TNRC6B: variants seen among roughly 807,000 people sequenced by gnomAD.
TNRC6B encodes trinucleotide repeat containing adaptor 6B.
In TNRC6B, 52 loss-of-function variants were observed where a neutral mutation model predicts 203.6. The observed-to-expected ratio is 0.26, with a 90% CI of 0.20 to 0.32. The LOEUF (loss-of-function observed/expected upper bound fraction) is 0.32. Ranked by LOEUF, TNRC6B falls within the 10% of genes least tolerant of loss-of-function variation. The pLI, the probability that TNRC6B is intolerant of heterozygous loss-of-function variation, is 1.00. For missense variants in TNRC6B, 1,923 were observed against 2,286.2 expected (o/e 0.84, Z 3.24); for synonymous variants, 838 against 845.7 (o/e 0.99, Z 0.16).
At chr22:40,130,598 G>A (rs938842883) in intron 3 of TNRC6B, among the ~76,000 whole-genome samples, 8 of 151,470 alleles carry the variant, frequency 5.3e-5, no homozygotes, top group Non-Finnish European at 7.4e-5. Context: ...TGGCTAACAC[G>A]GTGAAACTCC....
chr22:40,220,231 T>TG lies in TNRC6B; in HGVS notation c.6-25783dup, dbSNP rs541968688. 1.7e-3 allele frequency among the ~76,000 whole-genome samples: 258 copies of TG among 152,238 alleles called. 1 individual carries two copies. Among genetic ancestry groups the TG allele is most frequent in the African/African-American group, 6.1e-3 (252 of 41,534 alleles). Reference sequence around the variant, plus strand: ...GGAGTGTGTAGCAGGGAATCCTTGTTGAAGGATCCCCAAACCCTTGATAGC... The same window carrying TG: ...GGAGTGTGTAGCAGGGAATCCTTGTTGGAAGGATCCCCAAACCCTTGATAGC... On this transcript the variant is annotated intron_variant, in intron 1 of 22. Transcript: ENST00000454349.
At chr22:40,077,570 G>C (rs913809310) in intron 1 of TNRC6B, among the ~76,000 whole-genome samples, 1 of 151,922 alleles carries the variant, frequency 6.6e-6, no homozygotes, top group Admixed American at 6.6e-5. Flanking sequence ...TTTTGCATTT[G>C]CTGGGCTACA....
rs759976879 is a variant in TNRC6B at position 40,327,341 on chromosome 22, TAAAC to T, written c.*4105_*4108del. 1.2e-4 allele frequency: 19 copies of T among 152,764 alleles called. No homozygotes were observed. Among genetic ancestry groups the T allele is most frequent in the African/African-American group, 4.3e-4 (18 of 41,566 alleles). The allele number at this position is 152,764 out of a possible 1,614,324, so 9.5% of individuals were successfully genotyped here. A position where few individuals can be genotyped will look rare whatever the true frequency, so the allele number is the denominator to read the frequency against. On this transcript the variant is annotated 3_prime_UTR_variant, in exon 23 of 23. Transcript: ENST00000454349. ...GGCAGTGGGCTGAATTTAAAATAAA[TAAAC>T]AAACGTCAAGCAAGTTAATATGCTT...
chr22:40,181,478 A>G (rs943832353), intron 1 of TNRC6B, among the ~76,000 whole-genome samples: 3 of 152,254 alleles, frequency 2.0e-5, no homozygotes, highest in Non-Finnish European at 2.9e-5. Context: ...CCCTGAGGCA[A>G]TGCAGATAGA....
chr22:40,152,550 G>A (rs984177526), intron 3 of TNRC6B, among the ~76,000 whole-genome samples: 20 of 152,134 alleles, frequency 1.3e-4, no homozygotes, highest in African/African-American at 4.1e-4. Flanking sequence ...GGATGGTCTC[G>A]ATCTCCTGAC....
rs1335359113 is a variant in TNRC6B at position 40,324,919 on chromosome 22, G to A, written c.*1678G>A. The A allele has an allele frequency of 6.6e-6, 1 of 151,076 alleles. No homozygotes were observed. Among genetic ancestry groups the A allele is most frequent in the Non-Finnish European group, 1.5e-5 (1 of 67,858 alleles). 9.4% of individuals were successfully genotyped at this position (151,076 alleles called of 1,614,324 possible). ...TACTCTGGGCCGAACAGGGGTCAAC[G>A]TTTAATCTACAGTTATCACCAACAT... On this transcript the variant is annotated 3_prime_UTR_variant, in exon 23 of 23. Coordinates refer to ENST00000454349, the MANE Select transcript of TNRC6B (RefSeq NM_001162501.2).
chr22:40,261,491 T>C (rs772035796), intron 3 of TNRC6B, among the ~76,000 whole-genome samples: 62 of 151,716 alleles, frequency 4.1e-4, no homozygotes, highest in Non-Finnish European at 7.1e-4. Context: ...GGCAGGAGAA[T>C]TGCTTGAACC....
intron 15 of TNRC6B, 75 bp from the exon 16 acceptor site, chr22:40,308,437 G>T (rs1393641526): frequency 4.6e-6 from 7 of 1,525,826 alleles, no homozygotes; most frequent in Non-Finnish European, 6.4e-6. Context: ...ACACTTGAAG[G>T]CATTCCTGGA....
At chr22:40,322,120 C>A (rs2071341947) in intron 22 of TNRC6B, among the ~76,000 whole-genome samples, 1 of 152,176 alleles carries the variant, frequency 6.6e-6, no homozygotes, top group Admixed American at 6.5e-5. Flanking sequence ...TGCTTCGATG[C>A]TTTGGGTATG....
At chr22:40,049,943 G>C (rs930685852) in intron 1 of TNRC6B, among the ~76,000 whole-genome samples, 1 of 152,146 alleles carries the variant, frequency 6.6e-6, no homozygotes, top group Non-Finnish European at 1.5e-5. Flanking sequence ...TATGTTGAAA[G>C]TCAAGTAATG....
At chr22:40,247,613 G>A (rs1569036941) in intron 2 of TNRC6B, among the ~76,000 whole-genome samples, 2 of 152,192 alleles carry the variant, frequency 1.3e-5, no homozygotes, top group African/African-American at 4.8e-5. Context: ...ATAGACCGCT[G>A]TGCTCTTTAA....
chr22:40,107,252 C>T (rs1342002271), intron 1 of TNRC6B, among the ~76,000 whole-genome samples: 2 of 152,138 alleles, frequency 1.3e-5, no homozygotes, highest in Non-Finnish European at 2.9e-5. Context: ...ATTTATCTTT[C>T]ACATTTGAGT....
intron 3 of TNRC6B, among the ~76,000 whole-genome samples, chr22:40,259,304 A>G (rs143791983): frequency 0.03 from 4,592 of 151,996 alleles, 95 homozygotes; most frequent in Middle Eastern, 0.048. Flanking sequence ...GGCTCACTGC[A>G]ACCCCCGCTT....
rs1426689563 is a variant in TNRC6B, at chr22:40,329,230, C to T, written c.*5989C>T. On this transcript the variant is annotated 3_prime_UTR_variant, in exon 23 of 23. Coordinates refer to ENST00000454349, the MANE Select transcript of TNRC6B (RefSeq NM_001162501.2). The stretch of plus-strand genomic sequence containing the variant: ...CTGCGCACTACATTTACTTCTTTAT[C>T]TGCAAGTACAGGGAGTCCATACAGT... The T allele has an allele frequency of 2.0e-5, 3 of 152,190 alleles. No homozygotes were observed. The highest frequency in any genetic ancestry group is 7.2e-5 in the African/African-American group (3 of 41,446). 9.4% of individuals were successfully genotyped at this position (152,190 alleles called of 1,614,324 possible).
rs1601524687 is a variant in TNRC6B at position 40,323,290 on chromosome 22, A to G, written c.*49A>G. 6.5e-7 allele frequency: 1 copy of G among 1,549,788 alleles called. No homozygotes were observed. The highest frequency in any genetic ancestry group is 2.3e-5 in the East Asian group (1 of 44,224). ...TCGTGACCTTTTTTGGAACAGCAGC[A>G]GCACTAACTTGACCTTTTCGTTTTT... On this transcript the variant is annotated 3_prime_UTR_variant, in exon 23 of 23. Coordinates refer to ENST00000454349, the MANE Select transcript of TNRC6B (RefSeq NM_001162501.2).
intron 1 of TNRC6B, among the ~76,000 whole-genome samples, chr22:40,078,003 A>G (rs2068033289): frequency 6.6e-6 from 1 of 152,196 alleles, no homozygotes; most frequent in Non-Finnish European, 1.5e-5. Context: ...CAGTGAATAT[A>G]TTTGTACACC....
intron 3 of TNRC6B, among the ~76,000 whole-genome samples, chr22:40,138,016 G>C: frequency 6.6e-6 from 1 of 151,804 alleles, no homozygotes; most frequent in Non-Finnish European, 1.5e-5. Context: ...CCTGGCAGGA[G>C]TGTGGAGAAA....
intron 3 of TNRC6B, among the ~76,000 whole-genome samples, chr22:40,259,676 C>G (rs1328754683): frequency 1.3e-5 from 2 of 152,214 alleles, no homozygotes; most frequent in African/African-American, 4.8e-5. Context: ...CTGCAGGCAC[C>G]TGCTCTTTTC....
At chr22:40,090,866 C>T (rs551517231) in intron 1 of TNRC6B, among the ~76,000 whole-genome samples, 47 of 152,298 alleles carry the variant, frequency 3.1e-4, no homozygotes, top group Middle Eastern at 3.4e-3. Context: ...GAACCGGCTA[C>T]ACCACGTAAC....
Sources: allele counts gnomAD v4.1 joint callset (sites outside exome capture counted in the v4.1 genomes callset), GRCh38; gene constraint gnomAD v4.1.1; transcripts MANE v1.5; gene names NCBI Gene and HGNC (gene_info 2026-07-23, HGNC 2026-07-21).